TASP1: variants seen among roughly 807,000 people sequenced by gnomAD.
TASP1 encodes taspase 1.
A neutral mutation model predicts 56.6 loss-of-function variants in TASP1; 16 were observed. The ratio of observed to expected loss-of-function variants is 0.28; its 90% CI spans 0.19 to 0.43. TASP1 has a LOEUF of 0.43. Among genes scored for constraint, TASP1 ranks in the 20% least tolerant of loss-of-function variants. The probability of loss-of-function intolerance (pLI) is 1.00; values close to 1 mark genes in which losing one functional copy is unlikely to be tolerated. For synonymous variants in TASP1, 179 were observed against 184.2 expected (o/e 0.97, Z 0.23); for missense variants, 393 against 511.6 (o/e 0.77, Z 2.24).
the TASP1 span, among the ~76,000 whole-genome samples, chr20:13,113,155 C>T: frequency 7.2e-5 from 11 of 152,212 alleles, no homozygotes; most frequent in African/African-American, 2.6e-4. Flanking sequence ...TGCACTCCAG[C>T]CTGGGAGACA....
chr20:13,505,761 A>C (rs888090387), intron 10 of TASP1, among the ~76,000 whole-genome samples: 1 of 152,162 alleles, frequency 6.6e-6, no homozygotes, highest in Non-Finnish European at 1.5e-5. Context: ...CAGAAAAAGC[A>C]GTTCTAAAAC....
At chr20:13,136,845 CA>C in the TASP1 span, among the ~76,000 whole-genome samples, 1 of 151,160 alleles carries the variant, frequency 6.6e-6, no homozygotes, top group Non-Finnish European at 1.5e-5. Context: ...ATTATTGCTG[CA>C]AAAAAGGTCA....
chr20:13,560,071 G>A (rs549557579), intron 7 of TASP1, among the ~76,000 whole-genome samples: 1 of 152,224 alleles, frequency 6.6e-6, no homozygotes, highest in East Asian at 1.9e-4. Flanking sequence ...AGAACAAATA[G>A]AGCTTCAATC....
chr20:13,221,705 C>T, the TASP1 span: 24 of 1,273,962 alleles, frequency 1.9e-5, no homozygotes, highest in East Asian at 3.3e-5. Flanking sequence ...GGCTCCTACT[C>T]CTCCTCCCCC....
At chr20:13,569,979 CA>C (rs2046657620) in intron 6 of TASP1, among the ~76,000 whole-genome samples, 1 of 152,068 alleles carries the variant, frequency 6.6e-6, no homozygotes, top group African/African-American at 2.4e-5. Flanking sequence ...TCAGATTTGG[CA>C]TTATTACCTA....
the TASP1 span, among the ~76,000 whole-genome samples, chr20:13,292,912 C>A: frequency 6.6e-6 from 1 of 152,166 alleles, no homozygotes; most frequent in Admixed American, 6.5e-5. Context: ...TTTTTATACA[C>A]CGGGCCAGGC....
chr20:13,247,588 G>A, the TASP1 span, among the ~76,000 whole-genome samples: 1 of 151,536 alleles, frequency 6.6e-6, no homozygotes, highest in Admixed American at 6.6e-5. Context: ...ACTTAAAAGA[G>A]AGACTTTAGC....
At chr20:13,419,768 T>G (rs1429881551) in intron 12 of TASP1, among the ~76,000 whole-genome samples, 1 of 152,132 alleles carries the variant, frequency 6.6e-6, no homozygotes, top group Non-Finnish European at 1.5e-5. Flanking sequence ...AAAATGGAGT[T>G]CCTCAGATAC....
chr20:13,120,365 A>G, the TASP1 span, among the ~76,000 whole-genome samples: 7 of 152,244 alleles, frequency 4.6e-5, no homozygotes, highest in Non-Finnish European at 8.8e-5. Context: ...AACATAAAAA[A>G]AGTTAAAGTA....
chr20:13,496,350 C>T (rs1159601446), intron 10 of TASP1, among the ~76,000 whole-genome samples: 4 of 152,204 alleles, frequency 2.6e-5, no homozygotes, highest in East Asian at 1.9e-4. Flanking sequence ...CCACTGCGCC[C>T]GGTCTGATTT....
chr20:13,308,251 G>A, the TASP1 span, among the ~76,000 whole-genome samples: 152,325 of 152,328 alleles, frequency 1, 76,161 homozygotes, highest in Middle Eastern at 1. Flanking sequence ...CTGTAACACA[G>A]TGTGAATCTG....
intron 10 of TASP1, among the ~76,000 whole-genome samples, chr20:13,509,565 G>A (rs867949378): frequency 3.9e-5 from 6 of 152,070 alleles, no homozygotes; most frequent in Non-Finnish European, 5.9e-5. Flanking sequence ...ATCATCTCAC[G>A]TTTTTCCATT....
In TASP1 at chr20:13,587,385, C is replaced by A. The variant is rs550987585; in HGVS notation, c.283-15G>T. 40 of 1,578,154 alleles carry A rather than the reference C, an allele frequency of 2.5e-5. No homozygotes were observed. In the Admixed American group the frequency reaches 7.3e-4, roughly 29 times the overall value. On this transcript the variant is annotated splice_polypyrimidine_tract_variant and intron_variant, in intron 4 of 13. Transcript: ENST00000337743. ...AAAGGAGAATCCTAAAAGACAAAAA[C>A]AAAAATTAAAATATCATTAGTCTTA...
At chr20:13,242,387 G>A in the TASP1 span, among the ~76,000 whole-genome samples, 1 of 152,190 alleles carries the variant, frequency 6.6e-6, no homozygotes, top group East Asian at 1.9e-4. Context: ...TATTTTTCAG[G>A]AGGAAGGGGA....
At chr20:13,384,896 C>T (rs973607821), downstream of TASP1, among the ~76,000 whole-genome samples, 4 of 152,236 alleles carry the variant, frequency 2.6e-5, no homozygotes, top group South Asian at 2.1e-4. Flanking sequence ...CCTCTGTTCC[C>T]TCTGAAGGTC....
At chr20:13,386,380 G>A (rs1416900318), downstream of TASP1, among the ~76,000 whole-genome samples, 1 of 151,924 alleles carries the variant, frequency 6.6e-6, no homozygotes, top group Non-Finnish European at 1.5e-5. Flanking sequence ...TAGGGAAGTA[G>A]GATTATGAGC....
the TASP1 span, among the ~76,000 whole-genome samples, chr20:13,236,891 G>C: frequency 6.6e-6 from 1 of 152,248 alleles, no homozygotes; most frequent in African/African-American, 2.4e-5. Context: ...GCAGGGTACA[G>C]CCTCCCTCCA....
chr20:13,477,698 G>C (rs1258508368), intron 11 of TASP1, among the ~76,000 whole-genome samples: 2 of 152,088 alleles, frequency 1.3e-5, no homozygotes, highest in Admixed American at 6.6e-5. Flanking sequence ...AACTAAAAAG[G>C]AAACTACTTA....
At chr20:13,333,380 C>G in the TASP1 span, among the ~76,000 whole-genome samples, 249 of 152,218 alleles carry the variant, frequency 1.6e-3, no homozygotes, top group African/African-American at 5.3e-3. Flanking sequence ...AAAGATCAAT[C>G]CAGAACAAAG....
Sources: allele counts gnomAD v4.1 joint callset (sites outside exome capture counted in the v4.1 genomes callset), GRCh38; gene constraint gnomAD v4.1.1; transcripts MANE v1.5; gene names NCBI Gene and HGNC (gene_info 2026-07-23, HGNC 2026-07-21).